The following DPP6 variants were observed in gnomAD, a reference collection of about 807,000 sequenced individuals.
DPP6 encodes the protein dipeptidyl peptidase like 6, also known as A-type potassium channel modulatory protein DPP6.
In DPP6, 69 loss-of-function variants were observed where a neutral mutation model predicts 122.6. The observed-to-expected ratio is 0.56, with a 90% CI of 0.46 to 0.69. The LOEUF (loss-of-function observed/expected upper bound fraction) is 0.69. DPP6 is among the 30% of genes least tolerant of loss of function. The probability of loss-of-function intolerance (pLI) is 0.00; values close to 1 mark genes in which losing one functional copy is unlikely to be tolerated. For missense variants in DPP6, 928 were observed against 1,116.9 expected (o/e 0.83, Z 2.41); for synonymous variants, 418 against 433.1 (o/e 0.97, Z 0.43).
At chr7:154,226,209 G>A (rs1800591699) in intron 1 of DPP6, among the ~76,000 whole-genome samples, 1 of 152,160 alleles carries the variant, frequency 6.6e-6, no homozygotes. Context: ...TCACCAAATG[G>A]CATCATGTCT....
chr7:153,754,004 C>T, the DPP6 span, among the ~76,000 whole-genome samples: 3 of 152,152 alleles, frequency 2.0e-5, no homozygotes, highest in Non-Finnish European at 4.4e-5. Context: ...TTTGAAGTTG[C>T]TTATGATCCA....
At chr7:154,197,946 C>T (rs2150778892) in intron 1 of DPP6, among the ~76,000 whole-genome samples, 1 of 152,270 alleles carries the variant, frequency 6.6e-6, no homozygotes, top group East Asian at 1.9e-4. Context: ...CAGGAAAGGG[C>T]CTCCCTCCCA....
chr7:154,687,541 G>A (rs187826119), intron 7 of DPP6, among the ~76,000 whole-genome samples: 12 of 151,940 alleles, frequency 7.9e-5, no homozygotes, highest in Middle Eastern at 3.4e-3. Flanking sequence ...TTTTCCTTCG[G>A]GTTGTTTGCC....
chr7:154,115,202 C>G (rs1806893864), intron 1 of DPP6, among the ~76,000 whole-genome samples: 1 of 152,182 alleles, frequency 6.6e-6, no homozygotes, highest in Non-Finnish European at 1.5e-5. Context: ...CCCTCAAAGG[C>G]AACCAGTATA....
At chr7:154,158,703 T>C (rs1018851720) in intron 1 of DPP6, among the ~76,000 whole-genome samples, 6 of 152,038 alleles carry the variant, frequency 3.9e-5, no homozygotes, top group Non-Finnish European at 8.8e-5. Context: ...TTTTGGGGGC[T>C]GAGAGTAGAG....
chr7:154,696,619 C>G (rs978674328), intron 7 of DPP6, among the ~76,000 whole-genome samples: 1 of 152,216 alleles, frequency 6.6e-6, no homozygotes, highest in African/African-American at 2.4e-5. Context: ...TGGTCCCCAT[C>G]CAGGCCCTTC....
rs1828637076 is a variant in DPP6 at position 154,540,545 on chromosome 7, C to T, written c.471C>T (p.Ile157=). The T allele has an allele frequency of 1.9e-6, 3 of 1,606,018 alleles. No homozygotes were observed. The highest frequency in any genetic ancestry group is 2.6e-6 in the Non-Finnish European group (3 of 1,174,890). ...CCTCTCTTACAGATACAGAATTCAT[C>T]TACAGAGAACAGAAAGGAACAGTGA... The part of the protein sequence containing the change: ...EAKWISDTEF[I]YREQKGTVRL... Residue 157 remains isoleucine (I), a synonymous_variant, in exon 4 of 26, where the codon ATC becomes ATT. Transcript: ENST00000377770.
intron 10 of DPP6, among the ~76,000 whole-genome samples, chr7:154,782,589 G>A (rs377108325): frequency 1.4e-4 from 21 of 152,092 alleles, no homozygotes; most frequent in African/African-American, 4.8e-4. Flanking sequence ...GTTAAATAGC[G>A]CTTGGAGTTA....
chr7:154,478,831 T>C (rs1276347705), intron 3 of DPP6, among the ~76,000 whole-genome samples: 10 of 152,242 alleles, frequency 6.6e-5, no homozygotes, highest in Non-Finnish European at 1.5e-4. Flanking sequence ...TAATTGCCAC[T>C]TTTTGAAGTC....
At chr7:154,628,817 G>A (rs2130888057) in intron 5 of DPP6, among the ~76,000 whole-genome samples, 1 of 152,210 alleles carries the variant, frequency 6.6e-6, no homozygotes, top group East Asian at 1.9e-4. Flanking sequence ...GACAGTGGAT[G>A]GAATTAATTA....
intron 7 of DPP6, among the ~76,000 whole-genome samples, chr7:154,726,931 C>T (rs117304579): frequency 6.6e-6 from 1 of 152,348 alleles, no homozygotes; most frequent in Non-Finnish European, 1.5e-5. Context: ...GTCTATATCA[C>T]TATCAGCATT....
At chr7:154,175,442 G>C (rs1797749134) in intron 1 of DPP6, among the ~76,000 whole-genome samples, 1 of 152,102 alleles carries the variant, frequency 6.6e-6, no homozygotes, top group Non-Finnish European at 1.5e-5. Flanking sequence ...ACCAGCATGA[G>C]CTCGGAAGCA....
the DPP6 span, among the ~76,000 whole-genome samples, chr7:153,769,126 T>C: frequency 3.9e-5 from 6 of 152,244 alleles, no homozygotes; most frequent in Non-Finnish European, 8.8e-5. Flanking sequence ...CTTGTACCCA[T>C]TGATCTCAAA....
At chr7:153,841,527 C>T in the DPP6 span, among the ~76,000 whole-genome samples, 1 of 152,160 alleles carries the variant, frequency 6.6e-6, no homozygotes, top group South Asian at 2.1e-4. Context: ...AAGGGTATCT[C>T]GGCATTACCA....
chr7:154,385,439 G>C (rs907526617), intron 1 of DPP6, among the ~76,000 whole-genome samples: 1 of 152,162 alleles, frequency 6.6e-6, no homozygotes, highest in African/African-American at 2.4e-5. Context: ...CCTCCACAGT[G>C]CTGGGTGGTG....
intron 1 of DPP6, among the ~76,000 whole-genome samples, chr7:154,037,535 CATTT>C (rs2129056968): frequency 7.0e-6 from 1 of 142,362 alleles, no homozygotes; most frequent in South Asian, 2.4e-4. Flanking sequence ...ATAATCAAAA[CATTT>C]AATACCACTG....
At chr7:154,206,575 C>G (rs79656968) in intron 1 of DPP6, among the ~76,000 whole-genome samples, 3,743 of 152,252 alleles carry the variant, frequency 0.025, 167 homozygotes, top group African/African-American at 0.085. Flanking sequence ...TTCACTATGA[C>G]CTCACCTACC....
At position 153,940,026 on chromosome 7, in the gene DPP6, C is replaced by G. The variant is rs139736327; in HGVS notation, c.51+52292C>G. 1.8e-3 allele frequency among the ~76,000 whole-genome samples: 275 copies of G among 152,302 alleles called. 1 individual carries two copies. The highest frequency in any genetic ancestry group is 2.7e-3 in the Non-Finnish European group (187 of 68,020). ...TGACTGTATGCTGGGCCAGCCAGGA[C>G]AAGACATGGCATGGCTCCTTCTCAC... On this transcript the variant is annotated intron_variant, in intron 1 of 25. Coordinates refer to the DPP6 transcript ENST00000404039.
In DPP6 at chr7:154,474,732, G is replaced by A. The variant is rs73726894; in HGVS notation, c.359-207G>A. Among the ~76,000 whole-genome samples the A allele has an allele frequency of 4.6e-3, 701 of 152,262 alleles. 15 individuals carry two copies. The highest frequency in any genetic ancestry group is 0.016 in the African/African-American group (660 of 41,538). On this transcript the variant is annotated intron_variant, in intron 2 of 25. Coordinates refer to ENST00000377770, the MANE Select transcript of DPP6 (RefSeq NM_130797.4). Reference sequence around the variant, plus strand: ...GGTGTGGGTGAGAAGGCGTGATGCCGTTCTACTGAATCATGATTTCCTTAG... The same window carrying A: ...GGTGTGGGTGAGAAGGCGTGATGCCATTCTACTGAATCATGATTTCCTTAG...
Sources: gnomAD v4.1 joint callset for allele counts (sites outside exome capture counted in the v4.1 genomes callset) on GRCh38, gnomAD v4.1.1 for gene constraint, MANE v1.5 for transcripts, NCBI Gene and HGNC (gene_info 2026-07-23, HGNC 2026-07-21) for gene names.